IMMT: variants seen among roughly 807,000 people sequenced by gnomAD.
IMMT encodes MICOS complex subunit MIC60.
A neutral mutation model predicts 92.7 loss-of-function variants in IMMT; 40 were observed. That is an observed-to-expected ratio of 0.43 (90% CI 0.34 to 0.56). The LOEUF is 0.56. Ranked by LOEUF, IMMT falls within the 20% of genes least tolerant of loss-of-function variation. The probability of loss-of-function intolerance (pLI) is 0.03; values close to 1 mark genes in which losing one functional copy is unlikely to be tolerated. For synonymous variants in IMMT, 322 were observed against 336.1 expected (o/e 0.96, Z 0.46); for missense variants, 831 against 912.1 (o/e 0.91, Z 1.14).
At chr2:86,187,901 AAAC>A (rs1043427192) in intron 1 of IMMT, among the ~76,000 whole-genome samples, 3 of 150,942 alleles carry the variant, frequency 2.0e-5, no homozygotes, top group Admixed American at 6.6e-5. Flanking sequence ...AACAAGAGTG[AAAC>A]TCTGTCTCCA....
intron 7 of IMMT, among the ~76,000 whole-genome samples, chr2:86,165,677 T>C (rs1676627043): frequency 6.6e-6 from 1 of 152,198 alleles, no homozygotes. Context: ...AATGTAATTA[T>C]AAAATAATGT....
chr2:86,159,333 C>A, intron 9 of IMMT: 1 of 631,150 alleles, frequency 1.6e-6, no homozygotes, highest in Non-Finnish European at 2.9e-6. Context: ...TATCTGCCCA[C>A]CTCGGCCTGC....
At chr2:86,192,065 T>C (rs1673166510) in intron 1 of IMMT, among the ~76,000 whole-genome samples, 1 of 152,146 alleles carries the variant, frequency 6.6e-6, no homozygotes, top group Non-Finnish European at 1.5e-5. Context: ...AGATCCCATC[T>C]CTACTAAAAG....
intron 6 of IMMT, among the ~76,000 whole-genome samples, chr2:86,169,145 A>G (rs1347090692): frequency 6.6e-6 from 1 of 152,244 alleles, no homozygotes; most frequent in Non-Finnish European, 1.5e-5. Flanking sequence ...ACTTTGCCCA[A>G]AATGAAAGAT....
intron 3 of IMMT, among the ~76,000 whole-genome samples, chr2:86,178,681 G>T (rs6749090): frequency 0.51 from 77,218 of 151,886 alleles, 20,036 homozygotes; most frequent in Non-Finnish European, 0.55. Context: ...ACTGCATACA[G>T]ACAAAACACA....
At chr2:86,147,311 C>A (rs1230025271) in intron 13 of IMMT, among the ~76,000 whole-genome samples, 1 of 152,116 alleles carries the variant, frequency 6.6e-6, no homozygotes, top group Non-Finnish European at 1.5e-5. Flanking sequence ...TAAATGATTT[C>A]TTGAATAGAA....
At chr2:86,170,065 A>T (rs1676977095) in intron 6 of IMMT, among the ~76,000 whole-genome samples, 1 of 152,098 alleles carries the variant, frequency 6.6e-6, no homozygotes, top group African/African-American at 2.4e-5. Flanking sequence ...CCAACAAATA[A>T]ATTTACAATT....
intron 1 of IMMT, among the ~76,000 whole-genome samples, chr2:86,192,595 AG>A (rs201593229): frequency 0.012 from 1,839 of 152,350 alleles, 45 homozygotes; most frequent in African/African-American, 0.041. Flanking sequence ...TCCATTGTGG[AG>A]CTTACTTTTT....
At chr2:86,164,486 T>C (rs1676524468) in intron 7 of IMMT, among the ~76,000 whole-genome samples, 1 of 151,226 alleles carries the variant, frequency 6.6e-6, no homozygotes, top group South Asian at 2.1e-4. Context: ...AGGTCATGAG[T>C]TCGAGACCAG....
chr2:86,151,380 C>T lies in IMMT; in HGVS notation c.1318G>A (p.Glu440Lys), dbSNP rs778720213. The T allele has an allele frequency of 6.2e-7, 1 of 1,613,880 alleles. No individual in the cohort carries two copies. Among genetic ancestry groups the T allele is most frequent in the East Asian group, 2.2e-5 (1 of 44,898 alleles). The change falls in exon 12 of 15, where the codon GAA becomes AAA. Residue 440 changes from glutamate (E) to lysine (K), a missense_variant. Coordinates refer to ENST00000410111, the MANE Select transcript of IMMT (RefSeq NM_006839.3). ...ITLALEKQKLEEKRAFDSAVA... is the reference protein window; with the variant it reads ...ITLALEKQKLKEKRAFDSAVA... ...GCAGAGTCAAATGCCCGCTTTTCTT[C>T]CAGCTTTTGTTTCTCCAAGGCTAAC...
intron 6 of IMMT, among the ~76,000 whole-genome samples, chr2:86,167,322 C>A (rs550145992): frequency 1.3e-5 from 2 of 148,920 alleles, no homozygotes; most frequent in Non-Finnish European, 3.0e-5. Context: ...CAGGTGCATA[C>A]CACCACGCCC....
At chr2:86,153,179 G>A (rs1305512995) in intron 11 of IMMT, among the ~76,000 whole-genome samples, 2 of 152,114 alleles carry the variant, frequency 1.3e-5, no homozygotes, top group Non-Finnish European at 2.9e-5. Context: ...AGTGGGAATA[G>A]ATGAGACAAA....
chr2:86,176,114 C>T (rs1205737509), intron 3 of IMMT, among the ~76,000 whole-genome samples: 1 of 152,144 alleles, frequency 6.6e-6, no homozygotes, highest in East Asian at 1.9e-4. Flanking sequence ...TATTGAATGT[C>T]AACTTAAAAG....
chr2:86,174,258 C>T (rs3770065), intron 3 of IMMT, among the ~76,000 whole-genome samples: 69,886 of 151,996 alleles, frequency 0.46, 16,612 homozygotes, highest in Non-Finnish European at 0.51. Flanking sequence ...CTTGCCTTCC[C>T]CTTTCCCAAT....
In IMMT at chr2:86,153,592, G is replaced by T; in HGVS notation, c.1163-18C>A. On this transcript the variant is annotated intron_variant, in intron 10 of 14. Transcript: ENST00000410111. ...TGAAACACCTACAAAGGAAAAAATA[G>T]AACAGTTTGAAAAAAAAGAATGCAC... 7.0e-7 allele frequency: 1 copy of T among 1,427,996 alleles called. No homozygotes were observed. The allele number at this position is 1,427,996 out of a possible 1,614,324, so 88.5% of individuals were successfully genotyped here. A position where few individuals can be genotyped will look rare whatever the true frequency, so the allele number is the denominator to read the frequency against.
intron 10 of IMMT, among the ~76,000 whole-genome samples, chr2:86,156,302 C>T (rs1370472504): frequency 1.3e-5 from 2 of 152,154 alleles, no homozygotes; most frequent in South Asian, 2.1e-4. Flanking sequence ...TCATGTTTTA[C>T]GATAGGCAGC....
At chr2:86,157,703 G>C (rs1675944680) in intron 10 of IMMT, among the ~76,000 whole-genome samples, 1 of 150,342 alleles carries the variant, frequency 6.7e-6, no homozygotes, top group Admixed American at 6.7e-5. Flanking sequence ...CAGGAGAATT[G>C]CTTGAACGTG....
chr2:86,144,073 A>G lies in IMMT; in HGVS notation c.*195T>C. ...ACAGAAAATGTTACACAAGTTGCAA[A>G]GAAAGCACTCCTGGCGTTCACTGAC... On this transcript the variant is annotated 3_prime_UTR_variant, in exon 15 of 15. Transcript: ENST00000410111. 1 of 645,244 alleles carries G rather than the reference A, an allele frequency of 1.5e-6. No individual in the cohort carries two copies. Among genetic ancestry groups the G allele is most frequent in the Non-Finnish European group, 2.6e-6 (1 of 380,514 alleles). The allele number at this position is 645,244 out of a possible 1,614,324, so 40.0% of individuals were successfully genotyped here.
At chr2:86,159,203 A>T in intron 9 of IMMT, 1 of 342,546 alleles carries the variant, frequency 2.9e-6, no homozygotes, top group East Asian at 7.6e-5. Flanking sequence ...CTCTCACCTC[A>T]GTCTCCTGAG....
Sources: allele counts gnomAD v4.1 joint callset (sites outside exome capture counted in the v4.1 genomes callset), GRCh38; gene constraint gnomAD v4.1.1; transcripts MANE v1.5; gene names NCBI Gene and HGNC (gene_info 2026-07-23, HGNC 2026-07-21).